ATG16L2: variants seen among roughly 807,000 people sequenced by gnomAD.
ATG16L2 encodes protein Atg16l2.
Under a neutral mutation model 84.7 loss-of-function variants are expected in ATG16L2, and 77 were observed. The observed-to-expected ratio is 0.91, with a 90% CI of 0.76 to 1.10. The LOEUF is 1.10. Among genes scored for constraint, ATG16L2 ranks in the 50% least tolerant of loss-of-function variants. The pLI is 0.00. For missense variants in ATG16L2, 782 were observed against 817.6 expected (o/e 0.96, Z 0.53); for synonymous variants, 361 against 342.8 (o/e 1.05, Z -0.59).
In ATG16L2 at chr11:72,822,097, A is replaced by T; in HGVS notation, c.446A>T (p.Gln149Leu). The T allele has an allele frequency of 1.3e-6, 2 of 1,538,564 alleles. No individual in the cohort carries two copies. The highest frequency in any genetic ancestry group is 1.7e-6 in the Non-Finnish European group (2 of 1,153,504). The change falls in exon 5 of 18, where the codon CAG becomes CTG. Residue 149 changes from glutamine (Q) to leucine (L), a missense_variant. Physicochemically the swap from Gln to Leu is moderately radical, Grantham distance 113 (BLOSUM62 -2). Coordinates refer to ENST00000321297, the MANE Select transcript of ATG16L2 (RefSeq NM_033388.2). The surrounding 1 kb of genome is among the most constrained non-coding windows in gnomAD (Gnocchi z 4.2). ...VAQLREARAQ[Q>L]AQQVEEWRAQ... is the part of the protein sequence containing the mutation. ...CAGCTGCGAGAGGCGCGGGCGCAGC[A>T]GGCCCAGCAGGTGGAGGAGTGGCGG...
At chr11:72,831,957 G>GCCC (rs375819702), downstream of ATG16L2, among the ~76,000 whole-genome samples, 4 of 152,216 alleles carry the variant, frequency 2.6e-5, no homozygotes, top group African/African-American at 9.6e-5. Flanking sequence ...GGGTGTGTGT[G>GCCC]CCCCCTGCCT....
intron 7 of ATG16L2, chr11:72,823,667 C>T (rs1370400046): frequency 2.2e-6 from 1 of 457,544 alleles, no homozygotes. Flanking sequence ...GTAGGACACA[C>T]CCTCTCCTGG....
chr11:72,836,718 C>T (rs1286570512), intron 5 of ATG16L2: 1 of 152,528 alleles, frequency 6.6e-6, no homozygotes, highest in African/African-American at 2.4e-5. Flanking sequence ...TTTACCCAAA[C>T]CTTTCTATAT....
Position 72,822,919 on chromosome 11 carries a change from C to G in ATG16L2, c.782C>G (p.Pro261Arg). The G allele has an allele frequency of 6.3e-7, 1 of 1,579,140 alleles. No homozygotes were observed. The highest frequency in any genetic ancestry group is 8.6e-7 in the Non-Finnish European group (1 of 1,162,252). ...CTGGCTCTGGCCCCTGAGCCAGAGC[C>G]CCTGGAGAAGGAAGCTTGTGAGAAG... is the stretch of plus-strand genomic sequence containing the variant. ...ETLALAPEPE[P>R]LEKEACEKWK... Residue 261 changes from proline to arginine, a missense_variant, in exon 7 of 18, where the codon CCC becomes CGC. Pro to Arg is a moderately radical substitution (Grantham distance 103). Coordinates refer to ENST00000321297, the MANE Select transcript of ATG16L2 (RefSeq NM_033388.2). The surrounding 1 kb of genome is among the most constrained non-coding windows in gnomAD (Gnocchi z 4.2).
intron 15 of ATG16L2, 87 bp from the exon 16 acceptor site, chr11:72,828,642 C>T (rs970138888): frequency 3.1e-6 from 5 of 1,595,830 alleles, no homozygotes; most frequent in African/African-American, 1.3e-5. Context: ...CCAAACCCCT[C>T]GACAAAGAGG....
At chr11:72,816,899 G>A (rs1334525316) in intron 2 of ATG16L2, 72 bp downstream of exon 2, 1 of 1,091,056 alleles carries the variant, frequency 9.2e-7, no homozygotes, top group Non-Finnish European at 1.3e-6. Context: ...CCTGTGCTGG[G>A]TTCATTCTCT....
chr11:72,827,427 GC>G, intron 14 of ATG16L2, 134 bp downstream of exon 14: 1 of 683,742 alleles, frequency 1.5e-6, no homozygotes, highest in Non-Finnish European at 2.5e-6. Flanking sequence ...GGCTGGCACT[GC>G]CAGCTAGTGC....
chr11:72,843,541 T>C, exon 6 of ATG16L2: 1 of 1,608,488 alleles, frequency 6.2e-7, no homozygotes, highest in Non-Finnish European at 8.5e-7. Context: ...GCCTGCAGTG[T>C]AGGATGGTCA....
At chr11:72,826,077 G>A (rs576236787) in intron 10 of ATG16L2, 96 bp from the exon 11 acceptor site, 7 of 995,538 alleles carry the variant, frequency 7.0e-6, no homozygotes, top group African/African-American at 1.6e-5. Flanking sequence ...GTGTCGGGGG[G>A]TGGGGCGGGA....
chr11:72,819,577 C>T (rs564209944), intron 3 of ATG16L2, among the ~76,000 whole-genome samples: 56 of 152,240 alleles, frequency 3.7e-4, no homozygotes, highest in African/African-American at 1.2e-3. Flanking sequence ...GCTCCCCCGT[C>T]GAGCTCCCCA....
exon 6 of ATG16L2, chr11:72,843,114 C>A (rs200684861): frequency 6.2e-7 from 1 of 1,602,022 alleles, no homozygotes; most frequent in Non-Finnish European, 8.5e-7. Context: ...TTAGGTCAAA[C>A]GTGACCAAAT....
intron 10 of ATG16L2, 35 bp downstream of exon 10, chr11:72,825,442 T>C: frequency 2.0e-6 from 3 of 1,537,336 alleles, no homozygotes; most frequent in Non-Finnish European, 2.7e-6. Context: ...AACTTGGTGC[T>C]TCTCTCCAGA....
intron 3 of ATG16L2, chr11:72,820,234 C>T (rs932495583): frequency 6.6e-6 from 1 of 152,208 alleles, no homozygotes; most frequent in Non-Finnish European, 1.5e-5. Flanking sequence ...TACCCACAAC[C>T]AGGAAACTGG....
At chr11:72,833,250 T>C (rs953620951), downstream of ATG16L2, among the ~76,000 whole-genome samples, 3 of 152,176 alleles carry the variant, frequency 2.0e-5, no homozygotes, top group Non-Finnish European at 4.4e-5. Flanking sequence ...TCTGACACCA[T>C]CAGACGTGGA....
chr11:72,815,884 A>T (rs1280161178), intron 1 of ATG16L2: 5 of 152,192 alleles, frequency 3.3e-5, no homozygotes, highest in African/African-American at 1.2e-4. Flanking sequence ...GGGTCAAACC[A>T]CCAACCTCCA....
At chr11:72,836,691 C>G (rs951564895) in intron 5 of ATG16L2, 1 of 152,376 alleles carries the variant, frequency 6.6e-6, no homozygotes, top group Non-Finnish European at 1.5e-5. Flanking sequence ...GAAGCATGGG[C>G]CTTTTGGAAA....
intron 17 of ATG16L2, 75 bp downstream of exon 17, chr11:72,829,059 G>A: frequency 6.8e-7 from 1 of 1,462,484 alleles, no homozygotes; most frequent in Non-Finnish European, 9.6e-7. Context: ...GACATACTGG[G>A]ACCCTGGAGT....
intron 13 of ATG16L2, 46 bp from the exon 14 acceptor site, chr11:72,827,142 C>A (rs779406833): frequency 6.6e-7 from 1 of 1,505,166 alleles, no homozygotes; most frequent in East Asian, 2.3e-5. Flanking sequence ...GGGTGGCTCC[C>A]GACAACCCTC....
At position 72,840,359 on chromosome 11, in the gene ATG16L2, G is replaced by A. The variant is rs372441212; in HGVS notation, c.*22-2258G>A. The stretch of plus-strand genomic sequence containing the variant: ...AGGAAAATAAAATTGCAAAGTATCC[G>A]ACTGGATTACCGTGCAAGTTATGAC... On this transcript the variant is annotated intron_variant, in intron 5 of 5. Coordinates refer to the ATG16L2 transcript ENST00000534905. 2.6e-5 allele frequency among the ~76,000 whole-genome samples: 4 copies of A among 152,188 alleles called. No individual in the cohort carries two copies. The East Asian group carries it at 7.7e-4, about 29-fold the overall frequency.
Sources: gnomAD v4.1 joint callset for allele counts (sites outside exome capture counted in the v4.1 genomes callset) on GRCh38, gnomAD v4.1.1 for gene constraint, Gnocchi (gnomAD v3.1) non-coding constraint, MANE v1.5 for transcripts, NCBI Gene and HGNC (gene_info 2026-07-23, HGNC 2026-07-21) for gene names.